The following ARHGAP4 variants were observed in gnomAD, a reference collection of about 807,000 sequenced individuals.
The protein encoded by ARHGAP4 is rho GTPase-activating protein 4.
Under a neutral mutation model 67.6 loss-of-function variants are expected in ARHGAP4, and 25 were observed. The observed-to-expected ratio is 0.37, with a 90% CI of 0.27 to 0.52. The LOEUF (loss-of-function observed/expected upper bound fraction) is 0.52, where lower values mean the gene tolerates loss of function less well. Among genes scored for constraint, ARHGAP4 ranks in the 20% least tolerant of loss-of-function variants. ARHGAP4 has a pLI of 0.92. For missense variants in ARHGAP4, 804 were observed against 854.6 expected (o/e 0.94, Z 0.74); for synonymous variants, 448 against 373.7 (o/e 1.20, Z -2.29).
chrX:153,913,973 G>T, intron 7 of ARHGAP4, 94 bp from the exon 8 acceptor site: 1 of 807,117 alleles, frequency 1.2e-6, no homozygotes, highest in Non-Finnish European at 1.8e-6. Flanking sequence ...CCCTTTTGTG[G>T]CCTGGCGGCC....
intron 7 of ARHGAP4, among the ~76,000 whole-genome samples, chrX:153,916,772 C>T (rs1391349692): frequency 8.8e-6 from 1 of 113,066 alleles, no homozygotes; most frequent in Non-Finnish European, 1.9e-5. Flanking sequence ...AATGCAGGAA[C>T]AGGAGAAAAC....
chrX:153,918,719 C>A, intron 7 of ARHGAP4, 113 bp downstream of exon 7: 1 of 850,993 alleles, frequency 1.2e-6, no homozygotes, highest in Non-Finnish European at 1.7e-6. Context: ...GCCGCACTGC[C>A]TGAGACCATG....
intron 5 of ARHGAP4, 195 bp downstream of exon 5, chrX:153,920,431 C>T (rs1557104993): frequency 2.0e-6 from 1 of 494,761 alleles, no homozygotes; most frequent in Non-Finnish European, 3.3e-6. Flanking sequence ...ATGGGGCTGT[C>T]CAGGGCCAGG....
At chrX:153,911,027 A>G in intron 13 of ARHGAP4, 28 bp from the exon 14 acceptor site, 1 of 1,165,829 alleles carries the variant, frequency 8.6e-7, no homozygotes, top group Non-Finnish European at 1.1e-6. Flanking sequence ...GCTGGTGGGC[A>G]CTGAGCATCT....
At position 153,919,169 on chromosome X, in the gene ARHGAP4, A is replaced by T. The variant is rs781872556; in HGVS notation, c.796T>A (p.Leu266Met). 16 of 1,210,856 alleles carry T rather than the reference A, an allele frequency of 1.3e-5. No individual in the cohort carries two copies. In the East Asian group the frequency reaches 1.8e-4, roughly 13 times the overall value. ...AVSNYYLHDV[L>M]DLMDCCDTGF... ...CAAGGACTCACGTCCATGAGGTCCA[A>T]GACGTCATGCAGGTAGTAGTTACTG... Residue 266 changes from leucine (L) to methionine (M), a missense_variant, in exon 6 of 22, where the codon TTG (leucine) becomes ATG (methionine). Transcript: ENST00000350060.
In ARHGAP4 at chrX:153,907,792, C is replaced by A. The variant is rs371623118; in HGVS notation, c.2778G>T (p.Gly926=). The A allele has an allele frequency of 4.0e-6, 4 of 1,009,085 alleles. No individual in the cohort carries two copies. The highest frequency in any genetic ancestry group is 5.1e-6 in the Non-Finnish European group (4 of 788,346). 83.2% of individuals were successfully genotyped at this position (1,009,085 alleles called of 1,213,427 possible). A position where few individuals can be genotyped will look rare whatever the true frequency, so the allele number is the denominator to read the frequency against. The change falls in exon 22 of 22, where the codon GGG becomes GGT. Residue 926 remains glycine (G), a synonymous_variant. Coordinates refer to ENST00000350060, the MANE Select transcript of ARHGAP4 (RefSeq NM_001666.5). The part of the protein sequence containing the change: ...GRNKGFSRGP[G]APASPSASHP... ...GGGAAGCTGAGGGTGAGGCTGGGGC[C>A]CCAGGGCCCCGGGAGAAGCCTTTGT...
At chrX:153,911,819 T>C (rs2065022902) in intron 12 of ARHGAP4, among the ~76,000 whole-genome samples, 1 of 110,236 alleles carries the variant, frequency 9.1e-6, no homozygotes, top group African/African-American at 3.3e-5. Flanking sequence ...TGAGAATCGC[T>C]TGAACCCCAG....
chrX:153,918,750 AAAG>A, intron 7 of ARHGAP4, 79 bp downstream of exon 7: 1 of 1,021,750 alleles, frequency 9.8e-7, no homozygotes. Flanking sequence ...ATTCCTGAGC[AAAG>A]TGTGGGTCAT....
At chrX:153,925,822 C>G (rs1174287839) in intron 1 of ARHGAP4, among the ~76,000 whole-genome samples, 1 of 113,104 alleles carries the variant, frequency 8.8e-6, no homozygotes, top group Non-Finnish European at 1.9e-5. Context: ...CTGAGGGGCA[C>G]GTTGGTGCAT....
rs12834662 is a variant in ARHGAP4 at position 153,926,262 on chromosome X, G to A, written c.-60C>T. ...CTCCCACGCGGCCGTGAGCGGGCCC[G>A]GCGCCGGGACTTGGGGGCGCTGCGG... On this transcript the variant is annotated 5_prime_UTR_variant, in exon 1 of 22. Transcript: ENST00000350060. The A allele has an allele frequency of 1.9e-3, 1,862 of 997,441 alleles. 3 individuals carry two copies. Among genetic ancestry groups the A allele is most frequent in the Admixed American group, 3.9e-3 (69 of 17,511 alleles). 82.2% of individuals were successfully genotyped at this position (997,441 alleles called of 1,213,427 possible). A position where few individuals can be genotyped will look rare whatever the true frequency, so the allele number is the denominator to read the frequency against.
At chrX:153,921,263 G>A (rs1226544385) in intron 3 of ARHGAP4, 102 bp downstream of exon 3, 21 of 1,178,482 alleles carry the variant, frequency 1.8e-5, no homozygotes, top group South Asian at 1.9e-5. Flanking sequence ...ACACAGGTTC[G>A]CTCTGCCTGC....
intron 7 of ARHGAP4, among the ~76,000 whole-genome samples, chrX:153,916,900 A>G (rs2065059246): frequency 8.9e-6 from 1 of 112,150 alleles, no homozygotes; most frequent in African/African-American, 3.2e-5. Context: ...CAACATGGTG[A>G]AACCCTGTCT....
At chrX:153,921,037 C>T (rs2065089716) in intron 4 of ARHGAP4, 60 bp downstream of exon 4, 2 of 1,150,291 alleles carry the variant, frequency 1.7e-6, no homozygotes, top group African/African-American at 3.6e-5. Flanking sequence ...TCCTCCCCCA[C>T]TGTGAGTGGC....
chrX:153,910,410 G>A lies in ARHGAP4; in HGVS notation c.1923-6C>T, dbSNP rs781799510. The A allele has an allele frequency of 2.6e-5, 31 of 1,191,799 alleles. No individual in the cohort carries two copies. The highest frequency in any genetic ancestry group is 3.3e-5 in the Non-Finnish European group (29 of 883,954). Reference sequence around the variant, plus strand: ...CATCGCTGTACTGGGCCAGGCTGGGGGGACACGCACATCACAAGCAGAGAG... The same window carrying A: ...CATCGCTGTACTGGGCCAGGCTGGGAGGACACGCACATCACAAGCAGAGAG... On this transcript the variant is annotated splice_region_variant and splice_polypyrimidine_tract_variant and intron_variant, in intron 16 of 21. Transcript: ENST00000350060.
intron 7 of ARHGAP4, among the ~76,000 whole-genome samples, chrX:153,916,339 C>G (rs2065055356): frequency 8.8e-6 from 1 of 113,291 alleles, no homozygotes; most frequent in African/African-American, 3.2e-5. Flanking sequence ...TAAGGCAAGC[C>G]CAAGTCCTCT....
chrX:153,925,965 C>T (rs1377904854), intron 1 of ARHGAP4, among the ~76,000 whole-genome samples, 171 bp downstream of exon 1: 1 of 112,642 alleles, frequency 8.9e-6, no homozygotes, highest in Non-Finnish European at 1.9e-5. Flanking sequence ...CGGTTGAGGC[C>T]AAATGGGCGT....
rs1603282834 is a variant in ARHGAP4 at position 153,907,426 on chromosome X, C to T, written c.*303G>A. 1 of 331,576 alleles carries T rather than the reference C, an allele frequency of 3.0e-6. No individual in the cohort carries two copies. The highest frequency in any genetic ancestry group is 4.7e-5 in the Admixed American group (1 of 21,223). The allele number at this position is 331,576 out of a possible 1,213,427, so 27.3% of individuals were successfully genotyped here. The stretch of plus-strand genomic sequence containing the variant: ...TGAATCGCCACCCAGCCCTGCCAGG[C>T]ATCTGAGCAAGGGTACCCGCCACCC... On this transcript the variant is annotated 3_prime_UTR_variant, in exon 22 of 22. Coordinates refer to ENST00000350060, the MANE Select transcript of ARHGAP4 (RefSeq NM_001666.5).
intron 1 of ARHGAP4, among the ~76,000 whole-genome samples, chrX:153,924,699 C>T (rs2065116588): frequency 9.0e-6 from 1 of 111,345 alleles, no homozygotes; most frequent in African/African-American, 3.3e-5. Flanking sequence ...CAGTATACTC[C>T]CAGGGCCTGG....
intron 7 of ARHGAP4, 73 bp downstream of exon 7, chrX:153,918,759 G>A: frequency 9.4e-7 from 1 of 1,068,665 alleles, no homozygotes; most frequent in Non-Finnish European, 1.3e-6. Flanking sequence ...CAAAGTGTGG[G>A]TCATGCCACT....
Sources: allele counts gnomAD v4.1 joint callset (sites outside exome capture counted in the v4.1 genomes callset), GRCh38; gene constraint gnomAD v4.1.1; transcripts MANE v1.5; gene names NCBI Gene and HGNC (gene_info 2026-07-23, HGNC 2026-07-21).